The following WDR31 variants were observed in gnomAD, a reference collection of about 807,000 sequenced individuals.
The protein encoded by WDR31 is WD repeat domain 31.
WDR31 carries 30 observed loss-of-function variants against 47.3 expected under a neutral mutation model. That is an observed-to-expected ratio of 0.63 (90% confidence interval 0.47 to 0.86). WDR31 has a LOEUF of 0.86. Among genes scored for constraint, WDR31 ranks in the 40% least tolerant of loss-of-function variants. WDR31 has a pLI of 0.00. For missense variants in WDR31, 406 were observed against 442.9 expected (o/e 0.92, Z 0.75); for synonymous variants, 137 against 159.4 (o/e 0.86, Z 1.06).
chr9:113,318,116 C>T (rs563413203), intron 10 of WDR31, among the ~76,000 whole-genome samples: 16 of 152,280 alleles, frequency 1.1e-4, no homozygotes, highest in African/African-American at 3.6e-4. Context: ...ATCCTTACTC[C>T]CCCTTACCCT....
chr9:113,332,000 A>G lies in WDR31; in HGVS notation c.23T>C (p.Leu8Pro). Residue 8 changes from leucine to proline, a missense_variant, in exon 3 of 11, where the codon CTG becomes CCG. Transcript: ENST00000374193. ...AACCTTCTGTGGAGGAGCTTGTTTC[A>G]GTTGGCACCTGAGTAGCAGCATCCC... Reference protein sequence around the residue: MLLLRCQLKQAPPQKVSF... With the variant: MLLLRCQPKQAPPQKVSF... 1 of 1,613,988 alleles carries G rather than the reference A, an allele frequency of 6.2e-7. No homozygotes were observed. Among genetic ancestry groups the G allele is most frequent in the East Asian group, 2.2e-5 (1 of 44,878 alleles).
intron 5 of WDR31, among the ~76,000 whole-genome samples, chr9:113,324,609 C>T (rs959231452): frequency 1.7e-4 from 26 of 151,626 alleles, no homozygotes; most frequent in African/African-American, 3.2e-4. Context: ...AGGCTGGCCT[C>T]GAACTCCCGG....
chr9:113,328,594 A>T (rs12339006), intron 5 of WDR31, among the ~76,000 whole-genome samples: 4,286 of 152,332 alleles, frequency 0.028, 205 homozygotes, highest in African/African-American at 0.097. Context: ...CCTTCAGTAC[A>T]GTACTTGTTG....
At chr9:113,320,332 A>G in intron 9 of WDR31, 25 bp downstream of exon 9, 1 of 1,612,610 alleles carries the variant, frequency 6.2e-7, no homozygotes, top group Non-Finnish European at 8.5e-7. Context: ...GCAACCAGAT[A>G]CCTGGACCTC....
intron 1 of WDR31, among the ~76,000 whole-genome samples, chr9:113,338,372 G>T (rs970547866): frequency 2.0e-5 from 3 of 152,164 alleles, no homozygotes; most frequent in African/African-American, 7.2e-5. Flanking sequence ...CAAAGTATAT[G>T]AATTTGGGTT....
intron 2 of WDR31, among the ~76,000 whole-genome samples, chr9:113,332,401 C>A (rs963548940): frequency 1.3e-5 from 2 of 152,172 alleles, no homozygotes; most frequent in Admixed American, 1.3e-4. Context: ...CTCAAATATT[C>A]ATCAACAGAT....
intron 3 of WDR31, among the ~76,000 whole-genome samples, chr9:113,331,553 C>T (rs1176136993): frequency 6.6e-6 from 1 of 152,176 alleles, no homozygotes; most frequent in Non-Finnish European, 1.5e-5. Flanking sequence ...CTCAAGCAAT[C>T]CTCCCACCTC....
chr9:113,332,193 T>C (rs527539768), intron 2 of WDR31, 143 bp from the exon 3 acceptor site: 15 of 552,856 alleles, frequency 2.7e-5, no homozygotes, highest in Middle Eastern at 4.3e-4. Flanking sequence ...AGCCCTGAGG[T>C]TGCAGACACA....
In WDR31 at chr9:113,321,631, G is replaced by A. The variant is rs1833330131; in HGVS notation, c.571-53C>T. ...CTCCACACCAAGTCATTCCTCTGCTGTAATTCCTGTCAAATGTGCTAACTA... is the reference window on the plus strand; with the variant it reads ...CTCCACACCAAGTCATTCCTCTGCTATAATTCCTGTCAAATGTGCTAACTA... On this transcript the variant is annotated intron_variant, in intron 7 of 10. Coordinates refer to ENST00000374193, the MANE Select transcript of WDR31 (RefSeq NM_001012361.4). 7 of 1,534,164 alleles carry A rather than the reference G, an allele frequency of 4.6e-6. No individual in the cohort carries two copies. The East Asian group carries it at 6.8e-5, about 15-fold the overall frequency.
rs1833130841 is a variant in WDR31 at position 113,313,952 on chromosome 9, G to A, written c.*2797C>T. The A allele has an allele frequency of 6.6e-6, 1 of 152,206 alleles. No individual in the cohort carries two copies. The highest frequency in any genetic ancestry group is 1.5e-5 in the Non-Finnish European group (1 of 68,180). The allele number at this position is 152,206 out of a possible 1,614,324, so 9.4% of individuals were successfully genotyped here. The stretch of plus-strand genomic sequence containing the variant: ...AGGCGGGCGGATCACGAGGTCAGGA[G>A]ATTGAGACCATCCTGGCTAACACGG... On this transcript the variant is annotated 3_prime_UTR_variant, in exon 11 of 11. Coordinates refer to ENST00000374193, the MANE Select transcript of WDR31 (RefSeq NM_001012361.4).
intron 2 of WDR31, among the ~76,000 whole-genome samples, chr9:113,334,241 T>A (rs1833668563): frequency 6.6e-6 from 1 of 152,156 alleles, no homozygotes; most frequent in Admixed American, 6.5e-5. Flanking sequence ...TGCCTTGGCC[T>A]CCCAAAGTGG....
At chr9:113,332,714 G>A (rs1833625908) in intron 2 of WDR31, among the ~76,000 whole-genome samples, 1 of 145,826 alleles carries the variant, frequency 6.9e-6, no homozygotes, top group Non-Finnish European at 1.5e-5. Flanking sequence ...TAATAGGCTA[G>A]ATATAGTTTG....
intron 1 of WDR31, among the ~76,000 whole-genome samples, chr9:113,339,644 C>A (rs963675670): frequency 1.3e-5 from 2 of 152,164 alleles, no homozygotes; most frequent in East Asian, 1.9e-4. Flanking sequence ...ATTTTGGGGA[C>A]GACTTGTGTG....
chr9:113,332,852 TAGTG>T (rs1458536252), intron 2 of WDR31, among the ~76,000 whole-genome samples: 1 of 152,182 alleles, frequency 6.6e-6, no homozygotes, highest in Non-Finnish European at 1.5e-5. Context: ...CCCTGGTAAT[TAGTG>T]AGTTCTCACT....
chr9:113,322,540 C>T (rs1255043963), intron 7 of WDR31, among the ~76,000 whole-genome samples: 5 of 152,054 alleles, frequency 3.3e-5, no homozygotes, highest in Non-Finnish European at 2.9e-5. Context: ...GTGTCTGGCC[C>T]ACAGAAGAAA....
At chr9:113,318,659 C>T (rs1833263643) in intron 9 of WDR31, 22 bp from the exon 10 acceptor site, 1 of 1,613,148 alleles carries the variant, frequency 6.2e-7, no homozygotes, top group African/African-American at 1.3e-5. Context: ...TGACATGGAC[C>T]AGCTCATAGT....
At position 113,320,357 on chromosome 9, in the gene WDR31, C is replaced by G. The variant is rs148709910; in HGVS notation, c.780G>C (p.Thr260=). The G allele has an allele frequency of 2.5e-6, 4 of 1,613,802 alleles. No individual in the cohort carries two copies. The highest frequency in any genetic ancestry group is 1.3e-5 in the African/African-American group (1 of 74,924). The change falls in exon 9 of 11, where the codon ACG becomes ACC. Residue 260 remains threonine (T), a splice_region_variant and synonymous_variant. Transcript: ENST00000374193. ...NGFGGEGCEA[T]LWDLRQTRNR... ...ACCTGGACCTCACACAGTCTCCTAC[C>G]GTGGCTTCACAGCCTTCTCCTCCAA...
rs1301482424 is a variant in WDR31 at position 113,320,355 on chromosome 9, A to G, written c.780+2T>C. On this transcript the variant is annotated splice_donor_variant, in intron 9 of 10. Transcript: ENST00000374193. LOFTEE classifies it high-confidence loss of function. ...ATACCTGGACCTCACACAGTCTCCT[A>G]CCGTGGCTTCACAGCCTTCTCCTCC... The G allele has an allele frequency of 6.2e-7, 1 of 1,613,908 alleles. No homozygotes were observed.
At chr9:113,325,457 A>G (rs145757726) in intron 5 of WDR31, among the ~76,000 whole-genome samples, 1 of 152,052 alleles carries the variant, frequency 6.6e-6, no homozygotes, top group East Asian at 1.9e-4. Context: ...AAAATTGTAT[A>G]TTTGTTTTTA....
Sources: gnomAD v4.1 joint callset for allele counts (sites outside exome capture counted in the v4.1 genomes callset) on GRCh38, gnomAD v4.1.1 for gene constraint, MANE v1.5 for transcripts, NCBI Gene and HGNC (gene_info 2026-07-23, HGNC 2026-07-21) for gene names.